The following ANKS1B variants were observed in gnomAD, a reference collection of about 807,000 sequenced individuals.
ANKS1B encodes the protein ankyrin repeat and sterile alpha motif domain-containing protein 1B.
Under a neutral mutation model 148.3 loss-of-function variants are expected in ANKS1B, and 36 were observed. That is an observed-to-expected ratio of 0.24 (90% confidence interval 0.19 to 0.32). ANKS1B has a LOEUF of 0.32. Ranked by LOEUF, ANKS1B falls within the 10% of genes least tolerant of loss-of-function variation. The pLI is 1.00. For synonymous variants in ANKS1B, 542 were observed against 560.8 expected, an observed-to-expected ratio of 0.97 and a Z score of 0.47; for missense variants, 1,157 against 1,542.6, an observed-to-expected ratio of 0.75 and a Z score of 4.19.
chr12:98,890,486 G>A (rs1199779802), intron 17 of ANKS1B, among the ~76,000 whole-genome samples: 6 of 152,172 alleles, frequency 3.9e-5, no homozygotes, highest in Admixed American at 3.9e-4. Flanking sequence ...AATGAATCAT[G>A]AAGATAAAGA....
At chr12:99,634,522 TAA>T (rs1299078660) in intron 9 of ANKS1B, among the ~76,000 whole-genome samples, 1 of 152,152 alleles carries the variant, frequency 6.6e-6, no homozygotes, top group Non-Finnish European at 1.5e-5. Context: ...ATTTAATGCA[TAA>T]AAAGAGACTT....
chr12:99,355,698 A>T (rs972301620), intron 12 of ANKS1B, among the ~76,000 whole-genome samples: 1 of 152,148 alleles, frequency 6.6e-6, no homozygotes, highest in African/African-American at 2.4e-5. Context: ...CTGTTTGCCA[A>T]TGCAGAAGGG....
chr12:99,801,049 C>T (rs187317521), intron 4 of ANKS1B, among the ~76,000 whole-genome samples: 30 of 152,172 alleles, frequency 2.0e-4, no homozygotes, highest in African/African-American at 7.0e-4. Context: ...TGCTCTTTGC[C>T]GTATGACTTT....
intron 18 of ANKS1B, among the ~76,000 whole-genome samples, chr12:98,830,168 T>G (rs1015149983): frequency 1.2e-4 from 18 of 152,280 alleles, no homozygotes; most frequent in African/African-American, 4.3e-4. Context: ...ATGACTCCTC[T>G]AAAGAGTCAT....
intron 19 of ANKS1B, among the ~76,000 whole-genome samples, chr12:98,824,209 T>A (rs1025012781): frequency 5.7e-4 from 87 of 152,382 alleles, no homozygotes; most frequent in African/African-American, 2.0e-3. Flanking sequence ...TTTCCCTGGC[T>A]TTGACATCAT....
At chr12:99,863,091 T>C (rs1429989950) in intron 1 of ANKS1B, among the ~76,000 whole-genome samples, 1 of 152,194 alleles carries the variant, frequency 6.6e-6, no homozygotes, top group African/African-American at 2.4e-5. Context: ...GCCATTCATA[T>C]ACAGGCTGAC....
intron 8 of ANKS1B, among the ~76,000 whole-genome samples, chr12:99,732,519 G>A (rs928554328): frequency 1.3e-5 from 2 of 152,084 alleles, no homozygotes; most frequent in Non-Finnish European, 1.5e-5. Flanking sequence ...GATTCTATTT[G>A]TATGAAATTC....
chr12:98,745,891 G>C (rs556022294), intron 26 of ANKS1B, 42 bp from the exon 27 acceptor site: 1 of 1,580,792 alleles, frequency 6.3e-7, no homozygotes, highest in South Asian at 1.1e-5. Context: ...CGGTCGCCGC[G>C]CGGGTGCGCG....
At chr12:98,797,143 G>A (rs2098956889) in intron 22 of ANKS1B, among the ~76,000 whole-genome samples, 1 of 152,158 alleles carries the variant, frequency 6.6e-6, no homozygotes, top group African/African-American at 2.4e-5. Flanking sequence ...GTTCATTGGT[G>A]ACACAAATTA....
At chr12:99,405,640 A>G (rs890897482) in intron 11 of ANKS1B, among the ~76,000 whole-genome samples, 1 of 145,170 alleles carries the variant, frequency 6.9e-6, no homozygotes, top group African/African-American at 2.6e-5. Flanking sequence ...GAGATCACAC[A>G]AAAAACTAGA....
At chr12:99,044,733 C>T (rs2099961214) in intron 17 of ANKS1B, among the ~76,000 whole-genome samples, 1 of 151,918 alleles carries the variant, frequency 6.6e-6, no homozygotes, top group South Asian at 2.1e-4. Context: ...CATAGAGAGG[C>T]AAAAGACAAA....
intron 12 of ANKS1B, among the ~76,000 whole-genome samples, chr12:99,293,526 C>A (rs1420923181): frequency 6.6e-6 from 1 of 152,002 alleles, no homozygotes; most frequent in Non-Finnish European, 1.5e-5. Flanking sequence ...TAAATCAAAT[C>A]AAAATGGATT....
At chr12:99,436,433 A>G (rs1313775646) in intron 11 of ANKS1B, among the ~76,000 whole-genome samples, 1 of 152,094 alleles carries the variant, frequency 6.6e-6, no homozygotes, top group East Asian at 1.9e-4. Flanking sequence ...AAATATTTTT[A>G]AAGACTATCT....
chr12:99,135,361 A>T (rs2067662227), intron 15 of ANKS1B, among the ~76,000 whole-genome samples: 1 of 152,222 alleles, frequency 6.6e-6, no homozygotes, highest in Admixed American at 6.5e-5. Flanking sequence ...AAATGATCAA[A>T]GAAATAATAG....
intron 9 of ANKS1B, among the ~76,000 whole-genome samples, chr12:99,590,382 G>C (rs1477538277): frequency 6.6e-6 from 1 of 151,794 alleles, no homozygotes; most frequent in East Asian, 1.9e-4. Context: ...CATTTAACAA[G>C]TAATTACAAC....
intron 15 of ANKS1B, among the ~76,000 whole-genome samples, chr12:99,130,971 C>T (rs1053180677): frequency 6.6e-6 from 1 of 152,158 alleles, no homozygotes; most frequent in East Asian, 1.9e-4. Flanking sequence ...TCCCTGATTC[C>T]CACAGAGTTA....
chr12:99,871,873 T>TC (rs2091559621), intron 1 of ANKS1B, among the ~76,000 whole-genome samples: 1 of 152,146 alleles, frequency 6.6e-6, no homozygotes, highest in African/African-American at 2.4e-5. Flanking sequence ...CAGTTTGACT[T>TC]CTTTTTTTCC....
intron 17 of ANKS1B, among the ~76,000 whole-genome samples, chr12:98,995,015 A>T (rs1225819693): frequency 6.6e-6 from 1 of 152,214 alleles, no homozygotes; most frequent in African/African-American, 2.4e-5. Context: ...TTCTGAGTGA[A>T]TGAGTTAAAG....
chr12:98,841,111 C>T (rs201399), intron 17 of ANKS1B, among the ~76,000 whole-genome samples: 2 of 152,142 alleles, frequency 1.3e-5, no homozygotes, highest in African/African-American at 4.8e-5. Context: ...TTACTGCTAA[C>T]GAGGGTATTT....
Sources: allele counts gnomAD v4.1 joint callset (sites outside exome capture counted in the v4.1 genomes callset), GRCh38; gene constraint gnomAD v4.1.1; transcripts MANE v1.5; gene names NCBI Gene and HGNC (gene_info 2026-07-23, HGNC 2026-07-21).